Variants in NAV2 observed in about 807,000 individuals in gnomAD.
NAV2 encodes the protein neuron navigator 2, also known as helicase, APC down-regulated 1.
NAV2 carries 54 observed loss-of-function variants against 223.2 expected under a neutral mutation model. The observed-to-expected ratio is 0.24, with a 90% CI of 0.19 to 0.30. NAV2 has a LOEUF of 0.30. Among genes scored for constraint, NAV2 ranks in the 10% least tolerant of loss-of-function variants. The pLI, the probability that NAV2 is intolerant of heterozygous loss-of-function variation, is 1.00. For synonymous variants in NAV2, 1,279 were observed against 1,239.3 expected (o/e 1.03, Z -0.67); for missense variants, 2,806 against 3,147.5 (o/e 0.89, Z 2.60).
intron 1 of NAV2, among the ~76,000 whole-genome samples, chr11:19,692,266 G>A (rs1373910228): frequency 6.6e-6 from 1 of 152,200 alleles, no homozygotes; most frequent in Non-Finnish European, 1.5e-5. Flanking sequence ...CCCAATCTGT[G>A]ACCTGCATGT....
intron 1 of NAV2, among the ~76,000 whole-genome samples, chr11:19,758,901 A>G (rs1382946041): frequency 6.6e-6 from 1 of 152,074 alleles, no homozygotes; most frequent in Non-Finnish European, 1.5e-5. Context: ...AACCCCCAGG[A>G]GGTCATTGAT....
At chr11:19,701,104 GA>G (rs2049500248) in intron 1 of NAV2, among the ~76,000 whole-genome samples, 5 of 152,168 alleles carry the variant, frequency 3.3e-5, no homozygotes, top group Admixed American at 3.3e-4. Flanking sequence ...AATAAGAAAT[GA>G]AGCCAGGCAC....
At chr11:19,492,364 C>T (rs949908464) in intron 1 of NAV2, among the ~76,000 whole-genome samples, 33 of 152,032 alleles carry the variant, frequency 2.2e-4, no homozygotes, top group African/African-American at 8.0e-4. Context: ...CTCAGCTTCC[C>T]TCGTAGCCAA....
In NAV2 at chr11:19,611,361, A is replaced by G. The variant is rs116716270; in HGVS notation, c.76-221123A>G. Reference sequence around the variant, plus strand: ...AAATCTCATGTCCTCACATTTCAAGAAACTAATCATTCCTTCCCGACAGTC... The same window carrying G: ...AAATCTCATGTCCTCACATTTCAAGGAACTAATCATTCCTTCCCGACAGTC... On this transcript the variant is annotated intron_variant, in intron 1 of 37. Transcript: ENST00000360655. Among the ~76,000 whole-genome samples, 1,366 of 152,188 alleles carry G rather than the reference A, an allele frequency of 9.0e-3. 22 individuals are homozygous for G. The highest frequency in any genetic ancestry group is 0.031 in the African/African-American group (1,270 of 41,522).
At chr11:19,895,341 T>C (rs929855203) in intron 6 of NAV2, among the ~76,000 whole-genome samples, 2 of 152,164 alleles carry the variant, frequency 1.3e-5, no homozygotes. Flanking sequence ...CCTGCCAAAG[T>C]GCTAGGATTG....
intron 3 of NAV2, among the ~76,000 whole-genome samples, chr11:19,846,058 T>G (rs75412874): frequency 6.6e-6 from 1 of 152,192 alleles, no homozygotes; most frequent in Non-Finnish European, 1.5e-5. Flanking sequence ...AGACCCATTC[T>G]ACCCCCAGGG....
At chr11:19,667,473 G>A (rs925158089) in intron 1 of NAV2, among the ~76,000 whole-genome samples, 43 of 152,230 alleles carry the variant, frequency 2.8e-4, no homozygotes, top group Admixed American at 1.3e-3. Flanking sequence ...ACGAGGAGGT[G>A]AAGAAACAGA....
chr11:19,755,993 A>G (rs11601801), intron 1 of NAV2, among the ~76,000 whole-genome samples: 1 of 152,150 alleles, frequency 6.6e-6, no homozygotes, highest in Admixed American at 6.5e-5. Context: ...GGAAAATCAC[A>G]ACTGCTTTCA....
At chr11:20,080,017 T>C in intron 24 of NAV2, 47 bp from the exon 25 acceptor site, 15 of 1,602,954 alleles carry the variant, frequency 9.4e-6, no homozygotes, top group Non-Finnish European at 1.3e-5. Flanking sequence ...AGATAAAGAA[T>C]AGGGCTCAGG....
chr11:20,052,455 A>T (rs2058073633), intron 17 of NAV2, among the ~76,000 whole-genome samples: 2 of 152,216 alleles, frequency 1.3e-5, no homozygotes, highest in South Asian at 4.1e-4. Context: ...CGTGCCTATG[A>T]GCTGCTTGTC....
intron 1 of NAV2, among the ~76,000 whole-genome samples, chr11:19,467,575 A>G (rs1852413522): frequency 6.6e-6 from 1 of 152,202 alleles, no homozygotes; most frequent in Admixed American, 6.5e-5. Flanking sequence ...CGAACATTGA[A>G]TTTAGAGTAA....
chr11:20,100,866 C>T (rs2061592514), intron 31 of NAV2, 71 bp from the exon 32 acceptor site: 5 of 1,347,090 alleles, frequency 3.7e-6, no homozygotes, highest in Non-Finnish European at 5.3e-6. Context: ...CTTGGCAGTC[C>T]CAGTTAGGCA....
At chr11:19,929,453 C>T (rs914625527) in intron 6 of NAV2, among the ~76,000 whole-genome samples, 4 of 152,114 alleles carry the variant, frequency 2.6e-5, no homozygotes, top group Non-Finnish European at 5.9e-5. Context: ...TGTTGATGAC[C>T]TGGTCCTCAG....
chr11:19,800,541 A>C (rs1244111227), intron 1 of NAV2, among the ~76,000 whole-genome samples: 1 of 152,194 alleles, frequency 6.6e-6, no homozygotes, highest in Non-Finnish European at 1.5e-5. Context: ...TGACCAAATC[A>C]TGTTGCTCTG....
chr11:19,616,595 G>A (rs570778338), intron 1 of NAV2, among the ~76,000 whole-genome samples: 16 of 152,082 alleles, frequency 1.1e-4, no homozygotes, highest in East Asian at 5.8e-4. Flanking sequence ...CCAGGCTGGC[G>A]AGCTGGCCCC....
intron 8 of NAV2, among the ~76,000 whole-genome samples, chr11:19,943,939 T>C (rs1030489742): frequency 2.6e-4 from 35 of 133,670 alleles, no homozygotes; most frequent in African/African-American, 7.8e-4. Context: ...GGCTCACGCC[T>C]GTAATCCCAG....
intron 9 of NAV2, 143 bp downstream of exon 9, chr11:19,946,652 A>G: frequency 1.4e-6 from 1 of 725,480 alleles, no homozygotes. Context: ...AAAGAATGCC[A>G]TATGACATGC....
At chr11:19,611,075 T>C (rs2046628377) in intron 1 of NAV2, among the ~76,000 whole-genome samples, 2 of 152,078 alleles carry the variant, frequency 1.3e-5, no homozygotes, top group Non-Finnish European at 2.9e-5. Flanking sequence ...AGCATCATGG[T>C]GGAAGGTGAA....
chr11:19,985,570 G>GT (rs2050718277), intron 11 of NAV2, among the ~76,000 whole-genome samples: 2 of 145,986 alleles, frequency 1.4e-5, no homozygotes, highest in South Asian at 2.1e-4. Flanking sequence ...TTTTTTTGTT[G>GT]TTGTTTGTTT....
Sources: allele counts gnomAD v4.1 joint callset (sites outside exome capture counted in the v4.1 genomes callset), GRCh38; gene constraint gnomAD v4.1.1; transcripts MANE v1.5; gene names NCBI Gene and HGNC (gene_info 2026-07-23, HGNC 2026-07-21).